Variants in BTBD10 observed in about 807,000 individuals in gnomAD.
BTBD10 encodes BTB/POZ domain-containing protein 10.
In BTBD10, 21 loss-of-function variants were observed where a neutral mutation model predicts 53.2. The observed-to-expected ratio is 0.39, with a 90% confidence interval of 0.28 to 0.57. BTBD10 has a LOEUF of 0.57. BTBD10 is among the 20% of genes least tolerant of loss of function. The pLI, the probability that BTBD10 is intolerant of heterozygous loss-of-function variation, is 0.53. For missense variants in BTBD10, 360 were observed against 594.7 expected (o/e 0.61, Z 4.10); for synonymous variants, 149 against 192.7 (o/e 0.77, Z 1.88).
Position 13,445,102 on chromosome 11 carries a change from T to C in BTBD10, c.23A>G (p.Tyr8Cys), listed in dbSNP as rs377176879. ...CTCTGGATCACTGGAGTTACCATCA[T>C]AGGGATGAGGCCGTCCTGCCATCCC... MAGRPHP[Y>C]DGNSSDPENW... Residue 8 changes from tyrosine to cysteine, a missense_variant, in exon 2 of 9, where the codon TAT (tyrosine) becomes TGT (cysteine). By Grantham distance (194) the Tyr-to-Cys change is radical. Around this residue, in one of 6 missense-constraint regions of BTBD10, gnomAD observed 81 missense variants for 82.6 expected, o/e 0.98. Transcript: ENST00000278174. The C allele has an allele frequency of 8.7e-6, 14 of 1,613,214 alleles. No individual in the cohort carries two copies. The highest frequency in any genetic ancestry group is 1.3e-5 in the African/African-American group (1 of 74,876).
intron 1 of BTBD10, among the ~76,000 whole-genome samples, chr11:13,459,125 C>T (rs1158016572): frequency 6.8e-6 from 1 of 147,878 alleles, no homozygotes; most frequent in African/African-American, 2.5e-5. Context: ...GGCGGGATCT[C>T]GGCTCACTGC....
At chr11:13,458,983 A>T (rs911490736) in intron 1 of BTBD10, among the ~76,000 whole-genome samples, 2 of 152,030 alleles carry the variant, frequency 1.3e-5, no homozygotes, top group African/African-American at 4.8e-5. Context: ...ACGCTTGTAC[A>T]ATTTTGTACC....
At chr11:13,458,565 T>C (rs1190612366) in intron 1 of BTBD10, among the ~76,000 whole-genome samples, 1 of 152,226 alleles carries the variant, frequency 6.6e-6, no homozygotes, top group Non-Finnish European at 1.5e-5. Flanking sequence ...CCAATATCTT[T>C]GATCAAAATC....
At chr11:13,407,589 A>T (rs1949859494) in intron 6 of BTBD10, among the ~76,000 whole-genome samples, 1 of 152,194 alleles carries the variant, frequency 6.6e-6, no homozygotes, top group South Asian at 2.1e-4. Flanking sequence ...TAATTCCCCA[A>T]GTCTTCTTAA....
intron 5 of BTBD10, 27 bp from the exon 6 acceptor site, chr11:13,413,677 T>C (rs769046559): frequency 5.0e-6 from 8 of 1,597,362 alleles, no homozygotes; most frequent in South Asian, 1.1e-5. Flanking sequence ...AAAGAAAGCA[T>C]AAAATATCTG....
intron 8 of BTBD10, among the ~76,000 whole-genome samples, chr11:13,390,667 AAAAG>A (rs1388459387): frequency 6.6e-6 from 1 of 152,202 alleles, no homozygotes; most frequent in Non-Finnish European, 1.5e-5. Context: ...AACTTTATAA[AAAAG>A]AGGCAATGAG....
Position 13,400,722 on chromosome 11 carries a change from A to G in BTBD10, c.1117+2446T>C, listed in dbSNP as rs578125025. ...AGAGGTAGTTCTTTAAAGCCGTGAG[A>G]AAACGGACTAATACACGGACTAAGC... On this transcript the variant is annotated intron_variant, in intron 8 of 8. Coordinates refer to ENST00000278174, the MANE Select transcript of BTBD10 (RefSeq NM_032320.7). 4.6e-5 allele frequency among the ~76,000 whole-genome samples: 7 copies of G among 152,332 alleles called. No individual in the cohort carries two copies. In the East Asian group the frequency reaches 1.4e-3, roughly 29 times the overall value.
intron 6 of BTBD10, among the ~76,000 whole-genome samples, chr11:13,406,452 C>T (rs1393903806): frequency 6.6e-6 from 1 of 152,072 alleles, no homozygotes; most frequent in East Asian, 1.9e-4. Flanking sequence ...TATTTAATGG[C>T]AATGTCCTAT....
intron 2 of BTBD10, among the ~76,000 whole-genome samples, chr11:13,431,168 C>T (rs1950441842): frequency 6.6e-6 from 1 of 152,090 alleles, no homozygotes; most frequent in Non-Finnish European, 1.5e-5. Flanking sequence ...TCACACTTTT[C>T]TTAGCAGAGT....
At chr11:13,418,971 C>CTTT (rs11423580) in intron 4 of BTBD10, among the ~76,000 whole-genome samples, 2,211 of 125,328 alleles carry the variant, frequency 0.018, 57 homozygotes, top group African/African-American at 0.048. Flanking sequence ...GTTGACATTC[C>CTTT]TTTTTTTTTT....
chr11:13,462,040 A>G (rs1951112634), intron 1 of BTBD10, among the ~76,000 whole-genome samples: 2 of 150,722 alleles, frequency 1.3e-5, no homozygotes, highest in African/African-American at 4.9e-5. Context: ...CCTGGGTTTC[A>G]GGACTGAACT....
chr11:13,416,261 G>A (rs1042282699), intron 5 of BTBD10, among the ~76,000 whole-genome samples: 1 of 151,926 alleles, frequency 6.6e-6, no homozygotes, highest in African/African-American at 2.4e-5. Flanking sequence ...GGCTGAGGTG[G>A]GATGATCACT....
At chr11:13,392,726 G>T (rs951552013) in intron 8 of BTBD10, among the ~76,000 whole-genome samples, 1 of 152,014 alleles carries the variant, frequency 6.6e-6, no homozygotes, top group South Asian at 2.1e-4. Flanking sequence ...GGATGCAGAG[G>T]GTAGAATAAT....
At chr11:13,423,435 G>A (rs113522645) in intron 2 of BTBD10, among the ~76,000 whole-genome samples, 12 of 152,284 alleles carry the variant, frequency 7.9e-5, no homozygotes, top group South Asian at 6.2e-4. Flanking sequence ...GACCAGCAAC[G>A]TACCTGGCAC....
intron 1 of BTBD10, among the ~76,000 whole-genome samples, chr11:13,452,959 C>G (rs1334124470): frequency 2.0e-5 from 3 of 152,218 alleles, no homozygotes; most frequent in South Asian, 4.1e-4. Flanking sequence ...AGATTTTGCT[C>G]AGCCCTTGTT....
intron 5 of BTBD10, among the ~76,000 whole-genome samples, chr11:13,415,084 C>T (rs578260859): frequency 3.5e-4 from 52 of 150,326 alleles, no homozygotes; most frequent in African/African-American, 1.2e-3. Flanking sequence ...GTGGCACAAA[C>T]GGTCACAAAC....
At chr11:13,417,772 C>G (rs183059767) in intron 4 of BTBD10, among the ~76,000 whole-genome samples, 127 of 152,150 alleles carry the variant, frequency 8.3e-4, no homozygotes, top group African/African-American at 3.0e-3. Flanking sequence ...TGTAACAAAT[C>G]CTACTCAAAA....
chr11:13,445,568 A>G (rs2134033663), intron 1 of BTBD10, among the ~76,000 whole-genome samples: 1 of 152,308 alleles, frequency 6.6e-6, no homozygotes, highest in African/African-American at 2.4e-5. Context: ...CTAATTACTA[A>G]AAGTTTAAGA....
chr11:13,398,443 T>C (rs1197242783), intron 8 of BTBD10, among the ~76,000 whole-genome samples: 3 of 152,188 alleles, frequency 2.0e-5, no homozygotes, highest in Non-Finnish European at 4.4e-5. Context: ...TGTCTCTGCA[T>C]GTGAGATGGG....
Sources: allele counts gnomAD v4.1 joint callset (sites outside exome capture counted in the v4.1 genomes callset), GRCh38; gene constraint gnomAD v4.1.1; regional missense constraint gnomAD v4.1.1; transcripts MANE v1.5; gene names NCBI Gene and HGNC (gene_info 2026-07-23, HGNC 2026-07-21).